The following CGREF1 variants were observed in gnomAD, a reference collection of about 807,000 sequenced individuals.
CGREF1 encodes the protein cell growth regulator with EF-hand domain 1.
In CGREF1, 16 loss-of-function variants were observed where a neutral mutation model predicts 17.4. The ratio of observed to expected loss-of-function variants is 0.92; its 90% CI spans 0.62 to 1.40. CGREF1 has a LOEUF of 1.40. CGREF1 is among the 40% of genes most tolerant of loss of function. The pLI, the probability that CGREF1 is intolerant of heterozygous loss-of-function variation, is 0.00. For synonymous variants in CGREF1, 142 were observed against 154.6 expected (o/e 0.92, Z 0.61); for missense variants, 296 against 376.4 (o/e 0.79, Z 1.77).
chr2:27,104,721 C>G, intron 1 of CGREF1: 1 of 1,533,770 alleles, frequency 6.5e-7, no homozygotes, highest in Non-Finnish European at 8.8e-7. Flanking sequence ...TGACCTCCTT[C>G]AGCCCATTCA....
intron 1 of CGREF1, among the ~76,000 whole-genome samples, chr2:27,107,946 A>AG (rs1272570421): frequency 6.6e-6 from 1 of 151,100 alleles, no homozygotes; most frequent in African/African-American, 2.4e-5. Flanking sequence ...AAAAAAAAAA[A>AG]AAAAGAAAGA....
intron 1 of CGREF1, among the ~76,000 whole-genome samples, chr2:27,112,190 G>A (rs1208351194): frequency 6.6e-6 from 1 of 152,182 alleles, no homozygotes. Flanking sequence ...GGTGAAGGAT[G>A]ACTTGAGCCC....
chr2:27,099,554 C>T, downstream of CGREF1: 2 of 1,614,146 alleles, frequency 1.2e-6, no homozygotes, highest in Non-Finnish European at 1.7e-6. Flanking sequence ...TTCAATGCCT[C>T]CGTCATCTTC....
Position 27,101,880 on chromosome 2 carries a change from C to T in CGREF1, c.351G>A (p.Leu117=). 1 of 1,611,866 alleles carries T rather than the reference C, an allele frequency of 6.2e-7. No homozygotes were observed. Among genetic ancestry groups the T allele is most frequent in the Non-Finnish European group, 8.5e-7 (1 of 1,179,064 alleles). ...GGGTCTCGAGCACTTTGTCCACTATCAAGATCACCTGTGGAAGCAGAGTCA... is the reference window on the plus strand; with the variant it reads ...GGGTCTCGAGCACTTTGTCCACTATTAAGATCACCTGTGGAAGCAGAGTCA... ...ANSPTTNPVI[L]IVDKVLETQD... Residue 117 remains leucine (L), a synonymous_variant, in exon 6 of 6, where the codon TTG becomes TTA. Transcript: ENST00000402394.
At chr2:27,103,135 A>G in intron 2 of CGREF1, 2 of 984,684 alleles carry the variant, frequency 2.0e-6, no homozygotes, top group Non-Finnish European at 2.4e-6. Flanking sequence ...ATGTGCTCCC[A>G]CTTCTGGACT....
chr2:27,100,504 T>C (rs73921452), downstream of CGREF1: 5,573 of 1,290,984 alleles, frequency 4.3e-3, 170 homozygotes, highest in African/African-American at 0.07. Context: ...GGAACACATA[T>C]TGGAATTGGG....
At position 27,102,513 on chromosome 2, in the gene CGREF1, C is replaced by G. The variant is rs1326735037; in HGVS notation, c.146+13G>C. The G allele has an allele frequency of 6.2e-7, 1 of 1,613,916 alleles. No homozygotes were observed. The highest frequency in any genetic ancestry group is 1.7e-5 in the Admixed American group (1 of 60,026). On this transcript the variant is annotated intron_variant, in intron 3 of 5. Transcript: ENST00000402394. ...TCTTCTCCCTGAAAGCACCCCCGGCCCACCCTACTCACCCGAGCTGCTCCT... is the reference window on the plus strand; with the variant it reads ...TCTTCTCCCTGAAAGCACCCCCGGCGCACCCTACTCACCCGAGCTGCTCCT...
chr2:27,116,859 A>ACCT, intron 1 of CGREF1, among the ~76,000 whole-genome samples: 1 of 86,550 alleles, frequency 1.2e-5, no homozygotes, highest in East Asian at 3.9e-4. Flanking sequence ...ATGAGCCACC[A>ACCT]GGCCAGGCCT....
At chr2:27,099,725 T>C, downstream of CGREF1, 1 of 1,614,140 alleles carries the variant, frequency 6.2e-7, no homozygotes, top group Non-Finnish European at 8.5e-7. Context: ...AAGTGTGGCC[T>C]GCAGGGCTTT....
chr2:27,111,833 C>T (rs778171476), intron 1 of CGREF1, among the ~76,000 whole-genome samples: 4 of 151,978 alleles, frequency 2.6e-5, no homozygotes, highest in African/African-American at 4.8e-5. Context: ...AGCCCCGGTT[C>T]GCGCTCGCGC....
intron 1 of CGREF1, among the ~76,000 whole-genome samples, chr2:27,118,608 GC>G (rs966740877): frequency 1.3e-5 from 2 of 152,210 alleles, no homozygotes; most frequent in Non-Finnish European, 2.9e-5. Context: ...GAACTGCGAA[GC>G]CCCAAATTCA....
At chr2:27,108,149 G>A (rs1378705922) in intron 1 of CGREF1, among the ~76,000 whole-genome samples, 2 of 152,082 alleles carry the variant, frequency 1.3e-5, no homozygotes, top group East Asian at 3.9e-4. Context: ...CAGCTACTCG[G>A]GAGGCTGAGG....
chr2:27,111,227 A>G (rs1671367479), intron 1 of CGREF1, among the ~76,000 whole-genome samples: 1 of 152,066 alleles, frequency 6.6e-6, no homozygotes, highest in Non-Finnish European at 1.5e-5. Flanking sequence ...TGCGTTTACA[A>G]TCCCTGAGCT....
chr2:27,105,573 G>C (rs1671089020), intron 1 of CGREF1, among the ~76,000 whole-genome samples: 2 of 150,768 alleles, frequency 1.3e-5, no homozygotes, highest in African/African-American at 4.9e-5. Flanking sequence ...TTGAGAAGGA[G>C]TCCTGCTCTG....
downstream of CGREF1, chr2:27,099,360 G>A: frequency 6.2e-7 from 1 of 1,612,534 alleles, no homozygotes; most frequent in Non-Finnish European, 8.5e-7. Flanking sequence ...CCCTGGAGCT[G>A]GGAGGATGGC....
chr2:27,100,097 G>T, downstream of CGREF1: 1 of 583,874 alleles, frequency 1.7e-6, no homozygotes, highest in Admixed American at 3.0e-5. Flanking sequence ...GGGCTGCCTG[G>T]GCTAGAGCAG....
At chr2:27,108,714 C>T (rs1442074792) in intron 1 of CGREF1, among the ~76,000 whole-genome samples, 2 of 151,952 alleles carry the variant, frequency 1.3e-5, no homozygotes. Context: ...TGCCCAAATA[C>T]AGTAATATAG....
At chr2:27,113,986 G>A (rs947798595) in intron 1 of CGREF1, among the ~76,000 whole-genome samples, 2 of 136,412 alleles carry the variant, frequency 1.5e-5, no homozygotes, top group African/African-American at 5.5e-5. Flanking sequence ...ATACTAGCAG[G>A]TGCCTTTTTT....
chr2:27,100,863 G>A lies in CGREF1; in HGVS notation c.*411C>T. 1.8e-6 allele frequency: 2 copies of A among 1,091,828 alleles called. No individual in the cohort carries two copies. Among genetic ancestry groups the A allele is most frequent in the South Asian group, 5.2e-5 (2 of 38,438 alleles). 67.6% of individuals were successfully genotyped at this position (1,091,828 alleles called of 1,614,324 possible). ...ATGGGGTGTCTGAACACCAGGTGAG[G>A]GGGAACCGGTGAGGGTTTGGGGCCC... On this transcript the variant is annotated 3_prime_UTR_variant, in exon 6 of 6. Transcript: ENST00000402394.
Sources: allele counts gnomAD v4.1 joint callset (sites outside exome capture counted in the v4.1 genomes callset), GRCh38; gene constraint gnomAD v4.1.1; transcripts MANE v1.5; gene names NCBI Gene and HGNC (gene_info 2026-07-23, HGNC 2026-07-21).